RBFOX1: variants seen among roughly 807,000 people sequenced by gnomAD.
The protein encoded by RBFOX1 is RNA binding protein fox-1 homolog 1.
In RBFOX1, 8 loss-of-function variants were observed where a neutral mutation model predicts 57.7. The observed-to-expected ratio is 0.14, with a 90% CI of 0.08 to 0.25. The LOEUF (loss-of-function observed/expected upper bound fraction) is 0.25. Among genes scored for constraint, RBFOX1 ranks in the 10% least tolerant of loss-of-function variants. RBFOX1 has a pLI of 1.00. For synonymous variants in RBFOX1, 326 were observed against 222.4 expected, an observed-to-expected ratio of 1.47 and a Z score of -4.15; for missense variants, 611 against 548.5, an observed-to-expected ratio of 1.11 and a Z score of -1.14.
At chr16:6,856,186 G>T (rs1026203019) in intron 3 of RBFOX1, among the ~76,000 whole-genome samples, 1 of 150,174 alleles carries the variant, frequency 6.7e-6, no homozygotes, top group Non-Finnish European at 1.5e-5. Flanking sequence ...TTCTTCAAAT[G>T]TGTATTGAGA....
At chr16:6,225,030 A>C (rs1463734125) in intron 1 of RBFOX1, among the ~76,000 whole-genome samples, 2 of 145,320 alleles carry the variant, frequency 1.4e-5, no homozygotes, top group Non-Finnish European at 3.0e-5. Context: ...AAAAAAAAAA[A>C]AAAAAAAAAA....
At chr16:5,653,814 C>T (rs564760079) in intron 3 of RBFOX1, among the ~76,000 whole-genome samples, 1 of 152,186 alleles carries the variant, frequency 6.6e-6, no homozygotes, top group African/African-American at 2.4e-5. Context: ...CCATATGTGC[C>T]CTCTTAGAAT....
rs571580785 is a variant in RBFOX1, at chr16:5,883,052, T to C, written c.351+15717T>C. Among the ~76,000 whole-genome samples the C allele has an allele frequency of 7.1e-4, 108 of 152,336 alleles. 1 individual carries two copies. The highest frequency in any genetic ancestry group is 2.4e-3 in the African/African-American group (101 of 41,570). ...CTCTTAGGATCTCCTGCTCAAAGCC[T>C]GTACAAGCAGCCAGTTTATTGGCAC... On this transcript the variant is annotated intron_variant, in intron 4 of 19. Transcript: ENST00000641259.
At chr16:5,920,618 C>T (rs774419749) in intron 4 of RBFOX1, among the ~76,000 whole-genome samples, 2 of 152,090 alleles carry the variant, frequency 1.3e-5, no homozygotes, top group Non-Finnish European at 2.9e-5. Flanking sequence ...GGAGGAAGCA[C>T]CCTTCCAGGG....
At chr16:7,524,085 T>G (rs917484452) in intron 5 of RBFOX1, among the ~76,000 whole-genome samples, 1 of 152,230 alleles carries the variant, frequency 6.6e-6, no homozygotes, top group African/African-American at 2.4e-5. Flanking sequence ...CTCTAACTCT[T>G]CTTTGACATA....
intron 4 of RBFOX1, among the ~76,000 whole-genome samples, chr16:7,287,034 G>A (rs1172046830): frequency 6.6e-6 from 1 of 152,204 alleles, no homozygotes; most frequent in African/African-American, 2.4e-5. Context: ...GATAGAAGCT[G>A]TAGGAGTGTG....
At chr16:5,484,894 C>CA (rs1337919913) in intron 2 of RBFOX1, among the ~76,000 whole-genome samples, 3,426 of 134,252 alleles carry the variant, frequency 0.026, 141 homozygotes, top group African/African-American at 0.085. Context: ...AGACTCCATC[C>CA]AAAAAAAAAA....
At chr16:5,381,146 G>A (rs2066120229) in intron 1 of RBFOX1, among the ~76,000 whole-genome samples, 1 of 152,182 alleles carries the variant, frequency 6.6e-6, no homozygotes, top group Non-Finnish European at 1.5e-5. Flanking sequence ...AATCAGAAGA[G>A]CTAGTATGGG....
chr16:5,830,499 T>G (rs1278965986), intron 3 of RBFOX1, among the ~76,000 whole-genome samples: 1 of 151,636 alleles, frequency 6.6e-6, no homozygotes, highest in Non-Finnish European at 1.5e-5. Flanking sequence ...GGGGGCTGAG[T>G]AATATCTGGG....
chr16:5,339,117 T>A (rs1335109586), intron 1 of RBFOX1, among the ~76,000 whole-genome samples: 1 of 152,120 alleles, frequency 6.6e-6, no homozygotes, highest in Non-Finnish European at 1.5e-5. Flanking sequence ...TCATTCCTCC[T>A]GTATAGCTGA....
intron 4 of RBFOX1, among the ~76,000 whole-genome samples, chr16:7,483,179 A>G (rs948240193): frequency 6.6e-6 from 1 of 152,210 alleles, no homozygotes; most frequent in Non-Finnish European, 1.5e-5. Flanking sequence ...CAGAATATTT[A>G]TTAACCACCT....
At chr16:7,566,379 C>G (rs551385031) in intron 5 of RBFOX1, among the ~76,000 whole-genome samples, 10 of 152,288 alleles carry the variant, frequency 6.6e-5, no homozygotes, top group African/African-American at 1.7e-4. Context: ...TTACTCCTGT[C>G]TATATGTACT....
intron 3 of RBFOX1, among the ~76,000 whole-genome samples, chr16:6,694,259 G>T (rs545819782): frequency 8.5e-5 from 13 of 152,196 alleles, no homozygotes; most frequent in Non-Finnish European, 1.6e-4. Context: ...TGTTAAATTA[G>T]AGAGGAGGTT....
chr16:7,518,107 A>T, intron 4 of RBFOX1, 40 bp from the exon 5 acceptor site: 1 of 1,582,132 alleles, frequency 6.3e-7, no homozygotes, highest in Non-Finnish European at 8.6e-7. Flanking sequence ...GTGGCTCCTC[A>T]TGACGTTCTC....
intron 4 of RBFOX1, among the ~76,000 whole-genome samples, chr16:7,055,999 C>G (rs950688418): frequency 2.0e-5 from 3 of 152,154 alleles, no homozygotes; most frequent in Non-Finnish European, 4.4e-5. Context: ...AACCTATATC[C>G]TAACTTTTCT....
At chr16:6,735,511 A>T (rs968434182) in intron 3 of RBFOX1, among the ~76,000 whole-genome samples, 2 of 152,112 alleles carry the variant, frequency 1.3e-5, no homozygotes, top group African/African-American at 4.8e-5. Context: ...TTATTTGGAG[A>T]CGTTTGAGTG....
chr16:5,404,956 A>G (rs2066821604), intron 1 of RBFOX1, among the ~76,000 whole-genome samples: 1 of 152,244 alleles, frequency 6.6e-6, no homozygotes, highest in African/African-American at 2.4e-5. Flanking sequence ...TCATCATCAT[A>G]GGAAGTACTT....
chr16:7,178,939 C>A (rs778371220), intron 4 of RBFOX1, among the ~76,000 whole-genome samples: 3 of 152,192 alleles, frequency 2.0e-5, no homozygotes, highest in Non-Finnish European at 4.4e-5. Flanking sequence ...AAGTCTCTCT[C>A]TGTTTATGGT....
chr16:6,348,076 G>C (rs2085674617), intron 2 of RBFOX1, among the ~76,000 whole-genome samples: 1 of 152,174 alleles, frequency 6.6e-6, no homozygotes, highest in African/African-American at 2.4e-5. Context: ...GGCAGAGAAG[G>C]GGAAAGAGGC....
Sources: allele counts gnomAD v4.1 joint callset (sites outside exome capture counted in the v4.1 genomes callset), GRCh38; gene constraint gnomAD v4.1.1; transcripts MANE v1.5; gene names NCBI Gene and HGNC (gene_info 2026-07-23, HGNC 2026-07-21).